Variants in RALYL observed in about 807,000 individuals in gnomAD.
RALYL encodes RNA-binding Raly-like protein.
In RALYL, 29 loss-of-function variants were observed where a neutral mutation model predicts 35.1. The observed-to-expected ratio is 0.83, with a 90% CI of 0.61 to 1.13. The LOEUF (loss-of-function observed/expected upper bound fraction) is 1.13, where lower values mean the gene tolerates loss of function less well. Among genes scored for constraint, RALYL ranks in the 50% most tolerant of loss-of-function variants. The probability of loss-of-function intolerance (pLI) is 0.00; values close to 1 mark genes in which losing one functional copy is unlikely to be tolerated. For synonymous variants in RALYL, 120 were observed against 127.6 expected (o/e 0.94, Z 0.40); for missense variants, 359 against 360.4 (o/e 1.00, Z 0.03).
chr8:84,797,167 G>A (rs1354876777), intron 3 of RALYL, among the ~76,000 whole-genome samples: 1 of 152,194 alleles, frequency 6.6e-6, no homozygotes, highest in Non-Finnish European at 1.5e-5. Flanking sequence ...AGCATCACAT[G>A]GTGAAGAAAC....
chr8:84,225,409 A>G (rs1229007534), intron 1 of RALYL, among the ~76,000 whole-genome samples: 1 of 152,054 alleles, frequency 6.6e-6, no homozygotes, highest in Non-Finnish European at 1.5e-5. Context: ...GATTTTCATT[A>G]CCCTTAGAAC....
intron 1 of RALYL, among the ~76,000 whole-genome samples, chr8:84,209,832 T>C (rs1166142022): frequency 6.6e-6 from 1 of 152,216 alleles, no homozygotes; most frequent in Non-Finnish European, 1.5e-5. Context: ...CATGTGTATG[T>C]GTACATGTGT....
At chr8:84,892,717 C>A (rs1844084803) in intron 8 of RALYL, among the ~76,000 whole-genome samples, 1 of 149,160 alleles carries the variant, frequency 6.7e-6, no homozygotes, top group South Asian at 2.1e-4. Flanking sequence ...AAAAACCAGA[C>A]AGATGACTGA....
intron 1 of RALYL, among the ~76,000 whole-genome samples, chr8:84,394,561 A>T (rs939629837): frequency 3.3e-5 from 5 of 150,370 alleles, no homozygotes; most frequent in Non-Finnish European, 7.4e-5. Context: ...TACTGTAAAA[A>T]CTCCTTATCT....
intron 2 of RALYL, among the ~76,000 whole-genome samples, chr8:84,569,490 T>C (rs1276871722): frequency 6.6e-6 from 1 of 151,916 alleles, no homozygotes; most frequent in Admixed American, 6.6e-5. Flanking sequence ...TTATTAGTCC[T>C]TTGTTGGAGG....
intron 2 of RALYL, among the ~76,000 whole-genome samples, chr8:84,740,655 A>G (rs935550570): frequency 6.6e-6 from 1 of 151,984 alleles, no homozygotes; most frequent in Non-Finnish European, 1.5e-5. Context: ...CTTGATACCT[A>G]TTTATGTCTA....
At chr8:84,225,013 C>T (rs1274859179) in intron 1 of RALYL, among the ~76,000 whole-genome samples, 1 of 152,160 alleles carries the variant, frequency 6.6e-6, no homozygotes, top group Non-Finnish European at 1.5e-5. Context: ...GGAACCAAGC[C>T]TTGGGACCCA....
chr8:84,316,301 G>A (rs748875208), intron 1 of RALYL, among the ~76,000 whole-genome samples: 6 of 152,042 alleles, frequency 3.9e-5, no homozygotes, highest in South Asian at 2.1e-4. Context: ...TGTACTGGTG[G>A]TATTTCTTTC....
At chr8:84,297,081 G>A (rs1382646050) in intron 1 of RALYL, among the ~76,000 whole-genome samples, 2 of 151,840 alleles carry the variant, frequency 1.3e-5, no homozygotes, top group African/African-American at 2.4e-5. Flanking sequence ...TAGGGTCAGG[G>A]TTTCATGTGC....
At chr8:84,238,117 T>C (rs1827008215) in intron 1 of RALYL, among the ~76,000 whole-genome samples, 4 of 152,100 alleles carry the variant, frequency 2.6e-5, no homozygotes, top group Admixed American at 1.3e-4. Context: ...TTAATAAGCA[T>C]AAAATATTTT....
intron 1 of RALYL, among the ~76,000 whole-genome samples, chr8:84,388,490 C>T (rs1859792837): frequency 6.6e-6 from 1 of 152,164 alleles, no homozygotes; most frequent in Non-Finnish European, 1.5e-5. Flanking sequence ...TCTCCACATC[C>T]TCTCCAGCAC....
chr8:84,186,165 ACTGT>A (rs1339993038), intron 1 of RALYL, among the ~76,000 whole-genome samples: 1 of 152,192 alleles, frequency 6.6e-6, no homozygotes, highest in African/African-American at 2.4e-5. Flanking sequence ...AGTTTATGTC[ACTGT>A]CTGTGGACAC....
At chr8:84,758,080 T>A (rs575702704) in intron 2 of RALYL, among the ~76,000 whole-genome samples, 18 of 152,320 alleles carry the variant, frequency 1.2e-4, no homozygotes, top group African/African-American at 4.3e-4. Context: ...TTAGTAAGAC[T>A]GTGTTTTGAG....
At chr8:84,804,945 A>G (rs879634813) in intron 4 of RALYL, 143 bp downstream of exon 4, 8 of 385,798 alleles carry the variant, frequency 2.1e-5, no homozygotes, top group Non-Finnish European at 3.2e-5. Flanking sequence ...TATGTTTTAT[A>G]AAGACTTAAC....
At chr8:84,200,262 T>TACATTGG (rs1436912670) in intron 1 of RALYL, among the ~76,000 whole-genome samples, 1 of 152,070 alleles carries the variant, frequency 6.6e-6, no homozygotes, top group Non-Finnish European at 1.5e-5. Context: ...ACAAAATAAA[T>TACATTGG]ACATTGGATG....
chr8:84,308,903 A>C (rs1842278752), intron 1 of RALYL, among the ~76,000 whole-genome samples: 1 of 152,034 alleles, frequency 6.6e-6, no homozygotes, highest in Admixed American at 6.5e-5. Context: ...ACATGGGCAA[A>C]GATATAAAAA....
intron 1 of RALYL, among the ~76,000 whole-genome samples, chr8:84,474,906 T>A (rs952156427): frequency 3.9e-4 from 52 of 131,970 alleles, no homozygotes; most frequent in African/African-American, 1.3e-3. Context: ...TTTTGGTTTG[T>A]TTGTTTGTTT....
intron 3 of RALYL, among the ~76,000 whole-genome samples, chr8:84,775,247 C>T (rs538111060): frequency 7.3e-4 from 111 of 152,300 alleles, no homozygotes; most frequent in Middle Eastern, 3.4e-3. Flanking sequence ...TGAGCCACCA[C>T]GCCCAGCCCT....
At chr8:84,224,595 C>A (rs189591093) in intron 1 of RALYL, among the ~76,000 whole-genome samples, 1 of 151,834 alleles carries the variant, frequency 6.6e-6, no homozygotes, top group African/African-American at 2.4e-5. Context: ...AAGTTTATTA[C>A]CAGGTGTTTT....
Sources: allele counts gnomAD v4.1 joint callset (sites outside exome capture counted in the v4.1 genomes callset), GRCh38; gene constraint gnomAD v4.1.1; transcripts MANE v1.5; gene names NCBI Gene and HGNC (gene_info 2026-07-23, HGNC 2026-07-21).